The following TMCO4 variants were observed in gnomAD, a reference collection of about 807,000 sequenced individuals.
TMCO4 encodes the protein transmembrane and coiled-coil domains 4.
Under a neutral mutation model 64.7 loss-of-function variants are expected in TMCO4, and 58 were observed. The observed-to-expected ratio is 0.90, with a 90% CI of 0.73 to 1.12. TMCO4 has a LOEUF of 1.12. Among genes scored for constraint, TMCO4 ranks in the 50% most tolerant of loss-of-function variants. TMCO4 has a pLI of 0.00. For missense variants in TMCO4, 780 were observed against 825.9 expected (o/e 0.94, Z 0.68); for synonymous variants, 325 against 346.1 (o/e 0.94, Z 0.68).
intron 12 of TMCO4, among the ~76,000 whole-genome samples, chr1:19,737,843 C>T (rs1465501243): frequency 3.3e-5 from 5 of 152,224 alleles, no homozygotes; most frequent in African/African-American, 1.2e-4. Context: ...GGACCCCTTC[C>T]GGAGCTGGGG....
chr1:19,768,273 T>C (rs2042830491), intron 6 of TMCO4, among the ~76,000 whole-genome samples: 1 of 152,178 alleles, frequency 6.6e-6, no homozygotes, highest in African/African-American at 2.4e-5. Context: ...GGCTTTGCCA[T>C]TACACTGATT....
chr1:19,700,716 A>G (rs1053930569), intron 14 of TMCO4, 52 bp downstream of exon 14: 6 of 1,438,742 alleles, frequency 4.2e-6, no homozygotes, highest in Non-Finnish European at 4.9e-6. Flanking sequence ...TGGGCATACT[A>G]AGTGCTCCGT....
intron 6 of TMCO4, among the ~76,000 whole-genome samples, chr1:19,757,990 C>T (rs2042339568): frequency 6.6e-6 from 1 of 152,336 alleles, no homozygotes; most frequent in East Asian, 1.9e-4. Context: ...CACAAGTTGT[C>T]TAAAACGCTA....
chr1:19,772,175 T>A (rs570169013), intron 4 of TMCO4, among the ~76,000 whole-genome samples: 1 of 152,094 alleles, frequency 6.6e-6, no homozygotes, highest in East Asian at 1.9e-4. Flanking sequence ...TGTGGTACCC[T>A]AGGACAGAGG....
At position 19,720,937 on chromosome 1, in the gene TMCO4, T is replaced by C. The variant is rs562582424; in HGVS notation, c.1264+16435A>G. 5.9e-5 allele frequency among the ~76,000 whole-genome samples: 9 copies of C among 152,232 alleles called. No homozygotes were observed. In the South Asian group the frequency reaches 1.9e-3, roughly 32 times the overall value. On this transcript the variant is annotated intron_variant, in intron 13 of 15. Coordinates refer to ENST00000294543, the MANE Select transcript of TMCO4 (RefSeq NM_181719.7). The stretch of plus-strand genomic sequence containing the variant: ...ATGCAGGCTTGATGATCAGGGAATC[T>C]TAGATACGAGGAAAGAAAAAAAAAA...
At chr1:19,797,149 T>A (rs1164404627) in intron 2 of TMCO4, among the ~76,000 whole-genome samples, 2 of 152,206 alleles carry the variant, frequency 1.3e-5, no homozygotes, top group Admixed American at 1.3e-4. Context: ...GGCCTCCCTA[T>A]AGGTGGACAT....
At chr1:19,769,941 G>A (rs1272551322) in intron 6 of TMCO4, among the ~76,000 whole-genome samples, 2 of 119,868 alleles carry the variant, frequency 1.7e-5, no homozygotes, top group Non-Finnish European at 3.8e-5. Context: ...CAAAGCACAC[G>A]TGCTTAGGGA....
chr1:19,723,349 TC>T (rs1329116183), intron 13 of TMCO4, among the ~76,000 whole-genome samples: 57 of 152,320 alleles, frequency 3.7e-4, no homozygotes, highest in African/African-American at 1.3e-3. Flanking sequence ...TTCTTTGTCT[TC>T]CTGCCTCCTT....
Position 19,755,883 on chromosome 1 carries a change from G to C in TMCO4, c.383-117C>G, listed in dbSNP as rs141927147. 2.5e-4 allele frequency: 290 copies of C among 1,181,340 alleles called. 1 individual carries two copies. The East Asian group carries it at 4.9e-3, about 20-fold the overall frequency. The allele number at this position is 1,181,340 out of a possible 1,614,324, so 73.2% of individuals were successfully genotyped here. A position where few individuals can be genotyped will look rare whatever the true frequency, so the allele number is the denominator to read the frequency against. ...ACAGCCTAAATGTACAACCCCATGGGAGCCAGTCAATGAAAAAAATGACAC... is the reference window on the plus strand; with the variant it reads ...ACAGCCTAAATGTACAACCCCATGGCAGCCAGTCAATGAAAAAAATGACAC... On this transcript the variant is annotated intron_variant, in intron 6 of 15. Transcript: ENST00000294543.
In TMCO4 at chr1:19,746,541, G is replaced by A; in HGVS notation, c.672C>T (p.Gly224=). The change falls in exon 9 of 16, where the codon GGC becomes GGT. Residue 224 remains glycine (G), a synonymous_variant. Transcript: ENST00000294543. ...LVAAGAATII[G]SAGAAALGSA... is the part of the protein sequence containing the mutation. ...AGCCCAGAGCCGCTGCCCCGGCGCT[G>A]CCAATAATCGTCGCTGCTCCAGCGG... 8.1e-6 allele frequency: 13 copies of A among 1,611,458 alleles called. No homozygotes were observed. Among genetic ancestry groups the A allele is most frequent in the African/African-American group, 5.3e-5 (4 of 75,042 alleles).
At chr1:19,692,197 T>C (rs1426542383) in intron 15 of TMCO4, among the ~76,000 whole-genome samples, 2 of 152,242 alleles carry the variant, frequency 1.3e-5, no homozygotes, top group African/African-American at 2.4e-5. Context: ...CAGGGTCCCC[T>C]GATTGCTGAA....
intron 13 of TMCO4, among the ~76,000 whole-genome samples, chr1:19,709,084 G>A (rs998747368): frequency 1.3e-5 from 2 of 152,146 alleles, no homozygotes; most frequent in African/African-American, 4.8e-5. Context: ...AAAGGAGAAA[G>A]GGCGGCTTTG....
intron 2 of TMCO4, among the ~76,000 whole-genome samples, chr1:19,793,974 C>T (rs1307543241): frequency 6.6e-6 from 1 of 152,078 alleles, no homozygotes; most frequent in African/African-American, 2.4e-5. Flanking sequence ...CTCCAAGACT[C>T]CCTTCTCAAA....
At chr1:19,769,769 T>A (rs955906393) in intron 6 of TMCO4, among the ~76,000 whole-genome samples, 1 of 147,480 alleles carries the variant, frequency 6.8e-6, no homozygotes, top group African/African-American at 2.5e-5. Flanking sequence ...GCAGCCCGCA[T>A]AGTGGCTTAA....
chr1:19,692,932 G>A (rs2095208014), intron 15 of TMCO4, among the ~76,000 whole-genome samples: 1 of 151,740 alleles, frequency 6.6e-6, no homozygotes, highest in South Asian at 2.1e-4. Flanking sequence ...AGCACTCTGG[G>A]AGGCCAAGGT....
chr1:19,776,826 A>G (rs1426287693), intron 4 of TMCO4, among the ~76,000 whole-genome samples: 2 of 152,118 alleles, frequency 1.3e-5, no homozygotes, highest in Non-Finnish European at 2.9e-5. Context: ...CAGGAGTTCA[A>G]GACTAGCCTG....
chr1:19,690,312 T>C (rs2095182407), intron 15 of TMCO4, among the ~76,000 whole-genome samples: 1 of 152,130 alleles, frequency 6.6e-6, no homozygotes, highest in Non-Finnish European at 1.5e-5. Context: ...CGTGATGGGG[T>C]CAGGGGCCGA....
At chr1:19,744,624 C>T (rs1470656605) in intron 10 of TMCO4, among the ~76,000 whole-genome samples, 3 of 152,180 alleles carry the variant, frequency 2.0e-5, no homozygotes, top group African/African-American at 7.2e-5. Flanking sequence ...TTCCTGCCTT[C>T]TGCCTCCCTG....
chr1:19,748,238 T>G lies in TMCO4; in HGVS notation c.516-978A>C, dbSNP rs553440374. Among the ~76,000 whole-genome samples, 10 of 152,364 alleles carry G rather than the reference T, an allele frequency of 6.6e-5. 1 individual carries two copies. Among genetic ancestry groups the G allele is most frequent in the African/African-American group, 2.2e-4 (9 of 41,590 alleles). On this transcript the variant is annotated intron_variant, in intron 7 of 15. Coordinates refer to ENST00000294543, the MANE Select transcript of TMCO4 (RefSeq NM_181719.7). Reference sequence around the variant, plus strand: ...GCACACTGCAAGTGCTCAGCGCAACTGGGGCTGATGTCATCACGATGCTGC... The same window carrying G: ...GCACACTGCAAGTGCTCAGCGCAACGGGGGCTGATGTCATCACGATGCTGC...
Sources: gnomAD v4.1 joint callset for allele counts (sites outside exome capture counted in the v4.1 genomes callset) on GRCh38, gnomAD v4.1.1 for gene constraint, MANE v1.5 for transcripts, NCBI Gene and HGNC (gene_info 2026-07-23, HGNC 2026-07-21) for gene names.